SHTN1: variants seen among roughly 807,000 people sequenced by gnomAD.
SHTN1 encodes the protein shootin 1, also known as shootin-1.
In SHTN1, 42 loss-of-function variants were observed where a neutral mutation model predicts 83.1. The observed-to-expected ratio is 0.51, with a 90% CI of 0.39 to 0.65. The LOEUF (loss-of-function observed/expected upper bound fraction) is 0.65, where lower values mean the gene tolerates loss of function less well. SHTN1 is among the 30% of genes least tolerant of loss of function. The probability of loss-of-function intolerance (pLI) is 0.00; values close to 1 mark genes in which losing one functional copy is unlikely to be tolerated. For missense variants in SHTN1, 622 were observed against 737.8 expected, an observed-to-expected ratio of 0.84 and a Z score of 1.82; for synonymous variants, 224 against 247.7, an observed-to-expected ratio of 0.90 and a Z score of 0.90.
At chr10:116,973,383 A>G (rs1048021266) in intron 2 of SHTN1, among the ~76,000 whole-genome samples, 1 of 152,212 alleles carries the variant, frequency 6.6e-6, no homozygotes, top group Non-Finnish European at 1.5e-5. Context: ...CATATGCACA[A>G]TACCAAGACA....
At chr10:116,984,219 T>C (rs1229565151) in intron 1 of SHTN1, among the ~76,000 whole-genome samples, 1 of 152,198 alleles carries the variant, frequency 6.6e-6, no homozygotes, top group East Asian at 1.9e-4. Flanking sequence ...ACCAGACCTG[T>C]GTTGTCCAAA....
At position 117,004,921 on chromosome 10, in the gene SHTN1, C is replaced by A. The variant is rs1280474449; in HGVS notation, c.58+101G>T. On this transcript the variant is annotated intron_variant, in intron 1 of 16. Coordinates refer to ENST00000355371, the MANE Select transcript of SHTN1 (RefSeq NM_001127211.3). ...ACTGCGGTGACCACGGCGGCCGCCA[C>A]GTCTCCCGCCCGGCTTCCAACTGCC... The A allele has an allele frequency of 4.5e-5, 48 of 1,059,320 alleles. No homozygotes were observed. In the Middle Eastern group the frequency reaches 1.6e-3, roughly 35 times the overall value. The allele number at this position is 1,059,320 out of a possible 1,614,324, so 65.6% of individuals were successfully genotyped here. A position where few individuals can be genotyped will look rare whatever the true frequency, so the allele number is the denominator to read the frequency against.
intron 1 of SHTN1, among the ~76,000 whole-genome samples, chr10:117,116,641 C>T (rs951231724): frequency 6.6e-6 from 1 of 152,072 alleles, no homozygotes; most frequent in African/African-American, 2.4e-5. Flanking sequence ...CATTGATGAA[C>T]ATAGATGCAA....
At chr10:116,908,053 T>C (rs1339688251) in intron 14 of SHTN1, 1 of 432,688 alleles carries the variant, frequency 2.3e-6, no homozygotes, top group African/African-American at 2.1e-5. Context: ...ATCTCATAAT[T>C]AACCTCTATT....
intron 15 of SHTN1, among the ~76,000 whole-genome samples, chr10:116,903,872 G>A (rs906197432): frequency 6.6e-6 from 1 of 152,120 alleles, no homozygotes; most frequent in Non-Finnish European, 1.5e-5. Context: ...AATGTACACC[G>A]TTTAAGAGTA....
chr10:117,029,531 T>A (rs1194996621), intron 2 of SHTN1, among the ~76,000 whole-genome samples: 1 of 152,204 alleles, frequency 6.6e-6, no homozygotes. Context: ...ATTGGAATGC[T>A]GAATGTTGGA....
intron 2 of SHTN1, among the ~76,000 whole-genome samples, chr10:117,024,014 C>T (rs941230702): frequency 1.6e-4 from 24 of 152,140 alleles, no homozygotes; most frequent in Non-Finnish European, 1.0e-4. Context: ...CCTGTTCATA[C>T]CAAACAACAT....
At chr10:117,017,224 G>A (rs893181240) in intron 2 of SHTN1, among the ~76,000 whole-genome samples, 2 of 152,194 alleles carry the variant, frequency 1.3e-5, no homozygotes, top group African/African-American at 4.8e-5. Context: ...GGGCGCGGTG[G>A]CTCACGCCTG....
intron 2 of SHTN1, among the ~76,000 whole-genome samples, chr10:116,974,762 C>T (rs963005685): frequency 6.6e-6 from 1 of 151,724 alleles, no homozygotes; most frequent in Admixed American, 6.6e-5. Context: ...ACTCCACACA[C>T]ACCCCCACCC....
In SHTN1 at chr10:117,071,693, C is replaced by T. The variant is rs1853082739; in HGVS notation, c.-188-23183G>A. ...ATAATTTAGTCAGCCACTTGCTCTG[C>T]TTATTATAACAGTCTACTAGGCTGC... On this transcript the variant is annotated intron_variant, in intron 1 of 17. Coordinates refer to the SHTN1 transcript ENST00000392901. 2.0e-5 allele frequency among the ~76,000 whole-genome samples: 3 copies of T among 152,170 alleles called. No individual in the cohort carries two copies. In the South Asian group the frequency reaches 6.2e-4, roughly 32 times the overall value.
intron 1 of SHTN1, among the ~76,000 whole-genome samples, chr10:117,078,902 A>G (rs943492376): frequency 1.3e-5 from 2 of 152,172 alleles, no homozygotes; most frequent in Admixed American, 6.5e-5. Context: ...AGAGTTGTTT[A>G]TAATAGTCCA....
At chr10:117,048,427 C>A (rs983806918) in intron 2 of SHTN1, 1 of 968,140 alleles carries the variant, frequency 1.0e-6, no homozygotes, top group Non-Finnish European at 1.2e-6. Context: ...GACACATCGG[C>A]ACGGTCTTGT....
rs547425263 is a variant in SHTN1, at chr10:117,024,580, G to A, written c.-123+23865C>T. On this transcript the variant is annotated intron_variant, in intron 2 of 17. Transcript: ENST00000392901. ...TGTATTTGTTAGCCAGGATGGTCTC[G>A]ATCTCCTGACCTCGTGATCCGCCCG... Among the ~76,000 whole-genome samples, 43 of 151,758 alleles carry A rather than the reference G, an allele frequency of 2.8e-4. No homozygotes were observed. In the East Asian group the frequency reaches 6.0e-3, roughly 21 times the overall value.
chr10:116,980,586 AAAAAAAC>A (rs1850980325), intron 1 of SHTN1, among the ~76,000 whole-genome samples: 1 of 152,138 alleles, frequency 6.6e-6, no homozygotes, highest in African/African-American at 2.4e-5. Flanking sequence ...TAAGAAAGAA[AAAAAAAC>A]AAAAAAACAG....
chr10:117,005,202 T>C, upstream of SHTN1: 1 of 1,522,922 alleles, frequency 6.6e-7, no homozygotes, highest in Non-Finnish European at 8.8e-7. Context: ...TTGGATCCGC[T>C]CCCGCTCCTC....
chr10:117,035,262 T>C (rs1852477605), intron 2 of SHTN1, among the ~76,000 whole-genome samples: 1 of 152,230 alleles, frequency 6.6e-6, no homozygotes, highest in South Asian at 2.1e-4. Context: ...TAAATGGTAT[T>C]GGGATAACTG....
chr10:116,974,064 C>T, intron 2 of SHTN1: 1 of 1,068,414 alleles, frequency 9.4e-7, no homozygotes, highest in East Asian at 6.6e-5. Flanking sequence ...GTTCTTCTTT[C>T]TTCCAATTCA....
chr10:116,948,803 G>T, intron 7 of SHTN1, 113 bp downstream of exon 7: 1 of 372,230 alleles, frequency 2.7e-6, no homozygotes, highest in Non-Finnish European at 3.9e-6. Context: ...TCACAATATA[G>T]GAGAAGATTT....
chr10:117,116,825 T>C (rs924743170), intron 1 of SHTN1, among the ~76,000 whole-genome samples: 2 of 152,162 alleles, frequency 1.3e-5, no homozygotes, highest in Non-Finnish European at 2.9e-5. Context: ...ATTATTTCCA[T>C]AGATGCTGAA....
Sources: allele counts gnomAD v4.1 joint callset (sites outside exome capture counted in the v4.1 genomes callset), GRCh38; gene constraint gnomAD v4.1.1; transcripts MANE v1.5; gene names NCBI Gene and HGNC (gene_info 2026-07-23, HGNC 2026-07-21).